Variants in APOBEC3D observed in about 807,000 individuals in gnomAD.
APOBEC3D encodes DNA dC->dU-editing enzyme APOBEC-3D.
APOBEC3D carries 37 observed loss-of-function variants against 45.6 expected under a neutral mutation model. The observed-to-expected ratio is 0.81, with a 90% CI of 0.62 to 1.07. The LOEUF (loss-of-function observed/expected upper bound fraction) is 1.07. APOBEC3D is among the 50% of genes least tolerant of loss of function. The pLI, the probability that APOBEC3D is intolerant of heterozygous loss-of-function variation, is 0.00. For synonymous variants in APOBEC3D, 175 were observed against 180.7 expected (o/e 0.97, Z 0.25); for missense variants, 496 against 495.3 (o/e 1.00, Z -0.01).
At chr22:39,023,419 TC>T (rs1475132181) in intron 2 of APOBEC3D, among the ~76,000 whole-genome samples, 13 of 149,738 alleles carry the variant, frequency 8.7e-5, no homozygotes, top group Non-Finnish European at 1.3e-4. Flanking sequence ...CCTGGCCACT[TC>T]CTATATTTCT....
At position 39,032,519 on chromosome 22, in the gene APOBEC3D, T is replaced by TC. The variant is rs1432509247; in HGVS notation, c.*207dup. 7.9e-7 allele frequency: 1 copy of TC among 1,273,528 alleles called. No homozygotes were observed. The highest frequency in any genetic ancestry group is 1.6e-5 in the African/African-American group (1 of 63,968). 78.9% of individuals were successfully genotyped at this position (1,273,528 alleles called of 1,614,324 possible). On this transcript the variant is annotated 3_prime_UTR_variant, in exon 7 of 7. Transcript: ENST00000216099. ...TTCTTGTAGAGGCTCTCCATCCACC[T>TC]CCCCAGTCCTGTTCCCCCAGCCTGG... is the stretch of plus-strand genomic sequence containing the variant.
chr22:39,021,570 CGGCCCCTTCCTTCT>C (rs1341925058), intron 1 of APOBEC3D, 34 bp downstream of exon 1: 1 of 1,610,736 alleles, frequency 6.2e-7, no homozygotes, highest in Non-Finnish European at 8.5e-7. Flanking sequence ...AGGGCCCCTC[CGGCCCCTTCCTTCT>C]GGTGGTCCTG....
At position 39,025,173 on chromosome 22, in the gene APOBEC3D, C is replaced by T. The variant is rs1237242170; in HGVS notation, c.314C>T (p.Ser105Leu). The T allele has an allele frequency of 6.2e-7, 1 of 1,614,116 alleles. No homozygotes were observed. The highest frequency in any genetic ancestry group is 8.5e-7 in the Non-Finnish European group (1 of 1,179,978). The change falls in exon 3 of 7, where the codon TCA (serine) becomes TTA (leucine). Residue 105 changes from serine to leucine, a missense_variant. Transcript: ENST00000216099. ...CGCTTCCAGATCACCTGGTTTGTAT[C>T]ATGGAACCCCTGCCTGCCCTGTGTG... Reference protein sequence around the residue: ...NRRFQITWFVSWNPCLPCVVK... With the variant: ...NRRFQITWFVLWNPCLPCVVK...
intron 4 of APOBEC3D, among the ~76,000 whole-genome samples, chr22:39,028,689 A>G (rs1467646332): frequency 6.6e-6 from 1 of 152,188 alleles, no homozygotes; most frequent in African/African-American, 2.4e-5. Context: ...TAATCCCAGC[A>G]CTTTGGTAGG....
At chr22:39,026,308 G>T (rs1440962383) in intron 4 of APOBEC3D, among the ~76,000 whole-genome samples, 1 of 152,128 alleles carries the variant, frequency 6.6e-6, no homozygotes, top group Non-Finnish European at 1.5e-5. Context: ...CTGCACTCCT[G>T]GGGTCTCTCT....
At chr22:39,031,380 C>A (rs1441341720) in intron 5 of APOBEC3D, among the ~76,000 whole-genome samples, 1 of 152,110 alleles carries the variant, frequency 6.6e-6, no homozygotes, top group East Asian at 1.9e-4. Context: ...TCAGCCTGGG[C>A]AATGTGGCAC....
At chr22:39,030,926 G>A (rs1313039842) in intron 5 of APOBEC3D, among the ~76,000 whole-genome samples, 1 of 152,204 alleles carries the variant, frequency 6.6e-6, no homozygotes, top group Non-Finnish European at 1.5e-5. Flanking sequence ...CCAACACATC[G>A]TGAGGCCTAG....
rs145284830 is a variant in APOBEC3D, at chr22:39,032,147, G to A, written c.1043-51G>A. 1.6e-3 allele frequency: 2,615 copies of A among 1,603,866 alleles called. 28 individuals are homozygous for A. In the East Asian group the frequency reaches 0.027, roughly 16 times the overall value. Reference sequence around the variant, plus strand: ...GCTTGGGAGGGGAGGGCCCAGGGCCGGGAGAGAGGCTTGCTGGGCCCTCAC... The same window carrying A: ...GCTTGGGAGGGGAGGGCCCAGGGCCAGGAGAGAGGCTTGCTGGGCCCTCAC... On this transcript the variant is annotated intron_variant, in intron 6 of 6. Transcript: ENST00000216099.
rs1016439077 is a variant in APOBEC3D at position 39,032,750 on chromosome 22, G to A, written c.*434G>A. ...TGGGATTACAGATGCCTGCCACCAC[G>A]CCCAGCTAATTTTTTTTTTTTTTTT... On this transcript the variant is annotated 3_prime_UTR_variant, in exon 7 of 7. Transcript: ENST00000216099. 7.5e-5 allele frequency: 15 copies of A among 200,146 alleles called. No individual in the cohort carries two copies. The highest frequency in any genetic ancestry group is 5.2e-4 in the Admixed American group (7 of 13,402). 12.4% of individuals were successfully genotyped at this position (200,146 alleles called of 1,614,324 possible).
In APOBEC3D at chr22:39,025,274, CG is replaced by C. The variant is rs1925522694; in HGVS notation, c.418del (p.Asp140IlefsTer18). 6.2e-7 allele frequency: 1 copy of C among 1,613,998 alleles called. No individual in the cohort carries two copies. Among genetic ancestry groups the C allele is most frequent in the Admixed American group, 1.7e-5 (1 of 59,992 alleles). Reference protein sequence around the residue: ...TISAARLYYYRDRDWRWVLLR... With the variant: ...TISAARLYYYXDRDWRWVLLR... ...CTCTGCCGCCCGCCTCTACTACTAC[CG>C]GGATAGAGATTGGCGGTGGGTGCTC... On this transcript the variant is annotated frameshift_variant, in exon 3 of 7. Transcript: ENST00000216099. LOFTEE classifies it high-confidence loss of function.
intron 6 of APOBEC3D, 84 bp downstream of exon 6, chr22:39,032,057 A>C: frequency 6.3e-7 from 1 of 1,593,360 alleles, no homozygotes; most frequent in Non-Finnish European, 8.6e-7. Context: ...GGGGCGGGGC[A>C]GTGTCCCCGG....
chr22:39,029,744 C>T (rs552637301), intron 5 of APOBEC3D, among the ~76,000 whole-genome samples: 1 of 151,990 alleles, frequency 6.6e-6, no homozygotes, highest in East Asian at 1.9e-4. Context: ...ATTACAGGTG[C>T]CCGCCACCAC....
rs1271371032 is a variant in APOBEC3D at position 39,032,473 on chromosome 22, C to G, written c.*157C>G. ...ATAGTGCCCCCCTGCCTCACCACCT[C>G]CTCCCCGCTCTCCCAGGCTCTTCTT... On this transcript the variant is annotated 3_prime_UTR_variant, in exon 7 of 7. Coordinates refer to ENST00000216099, the MANE Select transcript of APOBEC3D (RefSeq NM_152426.4). 9 of 1,448,656 alleles carry G rather than the reference C, an allele frequency of 6.2e-6. No homozygotes were observed. Among genetic ancestry groups the G allele is most frequent in the Non-Finnish European group, 8.1e-6 (9 of 1,107,232 alleles). The allele number at this position is 1,448,656 out of a possible 1,614,324, so 89.7% of individuals were successfully genotyped here.
At chr22:39,028,763 G>A (rs1319829814) in intron 4 of APOBEC3D, among the ~76,000 whole-genome samples, 4 of 152,082 alleles carry the variant, frequency 2.6e-5, no homozygotes, top group Admixed American at 2.0e-4. Flanking sequence ...GTGAAACCCC[G>A]TCTCTACTAA....
At chr22:39,025,966 G>C (rs1925620207) in intron 4 of APOBEC3D, among the ~76,000 whole-genome samples, 1 of 152,136 alleles carries the variant, frequency 6.6e-6, no homozygotes, top group African/African-American at 2.4e-5. Context: ...CTATCTCCCT[G>C]GCATAACCGA....
rs1285184738 is a variant in APOBEC3D at position 39,022,861 on chromosome 22, C to A, written c.57C>A (p.Asp19Glu). 1 of 1,611,738 alleles carries A rather than the reference C, an allele frequency of 6.2e-7. No homozygotes were observed. Among genetic ancestry groups the A allele is most frequent in the Admixed American group, 1.7e-5 (1 of 59,736 alleles). The change falls in exon 2 of 7, where the codon GAC becomes GAA. Residue 19 changes from aspartate to glutamate, a missense_variant. Coordinates refer to ENST00000216099, the MANE Select transcript of APOBEC3D (RefSeq NM_152426.4). ...MERMYRDTFY[D>E]NFENEPILYG... ...GGATGTATCGAGACACATTCTACGACAACTTTGAAAACGAACCCATCCTCT... is the reference window on the plus strand; with the variant it reads ...GGATGTATCGAGACACATTCTACGAAAACTTTGAAAACGAACCCATCCTCT...
intron 4 of APOBEC3D, among the ~76,000 whole-genome samples, chr22:39,028,758 A>AC (rs1925924421): frequency 1.3e-5 from 2 of 152,028 alleles, no homozygotes; most frequent in South Asian, 4.1e-4. Context: ...ACGTGGTGAA[A>AC]CCCCGTCTCT....
rs989348490 is a variant in APOBEC3D, at chr22:39,032,517, C to G, written c.*201C>G. ...TCTTCTTGTAGAGGCTCTCCATCCACCTCCCCAGTCCTGTTCCCCCAGCCT... is the reference window on the plus strand; with the variant it reads ...TCTTCTTGTAGAGGCTCTCCATCCAGCTCCCCAGTCCTGTTCCCCCAGCCT... On this transcript the variant is annotated 3_prime_UTR_variant, in exon 7 of 7. Transcript: ENST00000216099. 1.1e-4 allele frequency: 145 copies of G among 1,342,388 alleles called. 2 individuals carry two copies. The highest frequency in any genetic ancestry group is 4.1e-5 in the Non-Finnish European group (43 of 1,049,318). The allele number at this position is 1,342,388 out of a possible 1,614,324, so 83.2% of individuals were successfully genotyped here.
intron 5 of APOBEC3D, 71 bp downstream of exon 5, chr22:39,029,590 G>C: frequency 6.3e-7 from 1 of 1,576,144 alleles, no homozygotes; most frequent in Admixed American, 1.7e-5. Context: ...CACAATACGT[G>C]ACGTGCCCCG....
Sources: allele counts gnomAD v4.1 joint callset (sites outside exome capture counted in the v4.1 genomes callset), GRCh38; gene constraint gnomAD v4.1.1; transcripts MANE v1.5; gene names NCBI Gene and HGNC (gene_info 2026-07-23, HGNC 2026-07-21).